Variants in FLT1 observed in about 807,000 individuals in gnomAD.
FLT1 encodes the protein fms related receptor tyrosine kinase 1, also known as vascular endothelial growth factor receptor 1.
In FLT1, 49 loss-of-function variants were observed where a neutral mutation model predicts 156.3. That is an observed-to-expected ratio of 0.31 (90% CI 0.25 to 0.40). The LOEUF is 0.40. Ranked by LOEUF, FLT1 falls within the 10% of genes least tolerant of loss-of-function variation. The probability of loss-of-function intolerance (pLI) is 1.00; values close to 1 mark genes in which losing one functional copy is unlikely to be tolerated. For missense variants in FLT1, 1,322 were observed against 1,637.2 expected (o/e 0.81, Z 3.32); for synonymous variants, 594 against 583.8 (o/e 1.02, Z -0.25).
chr13:28,471,856 C>T (rs1384029329), intron 1 of FLT1, among the ~76,000 whole-genome samples: 1 of 152,070 alleles, frequency 6.6e-6, no homozygotes, highest in African/African-American at 2.4e-5. Context: ...TCATAAGAGG[C>T]ATACAGATCT....
rs756456798 is a variant in FLT1 at position 28,333,998 on chromosome 13, T to C, written c.2593+27A>G. On this transcript the variant is annotated intron_variant, in intron 18 of 29. Transcript: ENST00000282397. The stretch of plus-strand genomic sequence containing the variant: ...GAAATGCAAAATGGTGATGGGTCAG[T>C]TGAAAGCCAAACTACAGCATACATA... The C allele has an allele frequency of 4.9e-6, 7 of 1,440,000 alleles. No homozygotes were observed. In the Admixed American group the frequency reaches 5.0e-5, roughly 10 times the overall value. The allele number at this position is 1,440,000 out of a possible 1,614,324, so 89.2% of individuals were successfully genotyped here.
At chr13:28,411,730 G>A (rs552710578) in intron 10 of FLT1, among the ~76,000 whole-genome samples, 2 of 151,994 alleles carry the variant, frequency 1.3e-5, no homozygotes, top group East Asian at 1.9e-4. Flanking sequence ...AGGAGTGTGG[G>A]TGAGTGGTGA....
chr13:28,314,030 C>T (rs1281637894), intron 25 of FLT1, among the ~76,000 whole-genome samples: 1 of 152,042 alleles, frequency 6.6e-6, no homozygotes, highest in East Asian at 1.9e-4. Flanking sequence ...GACTTTATCT[C>T]CACAAAAAAA....
chr13:28,429,760 A>C (rs1877561945), intron 8 of FLT1, among the ~76,000 whole-genome samples: 1 of 152,086 alleles, frequency 6.6e-6, no homozygotes, highest in Admixed American at 6.5e-5. Flanking sequence ...CATTCAAAGA[A>C]TGTTGACATC....
rs201906217 is a variant in FLT1, at chr13:28,370,597, G to A, written c.2117-12912C>T. Among the ~76,000 whole-genome samples the A allele has an allele frequency of 3.5e-4, 54 of 152,302 alleles. No individual in the cohort carries two copies. The South Asian group carries it at 6.8e-3, about 19-fold the overall frequency. On this transcript the variant is annotated intron_variant, in intron 14 of 29. Transcript: ENST00000282397. ...ATTTAAAATGAAAGCATCTTTGTGC[G>A]CTTTCACTGTGAACTTTGCTCTTGT...
intron 25 of FLT1, among the ~76,000 whole-genome samples, chr13:28,314,072 C>T (rs1871110292): frequency 6.6e-6 from 1 of 152,112 alleles, no homozygotes; most frequent in African/African-American, 2.4e-5. Context: ...GTGATGCATG[C>T]CTGTAGTCCC....
intron 15 of FLT1, among the ~76,000 whole-genome samples, chr13:28,353,530 G>A (rs539176199): frequency 6.8e-6 from 1 of 147,004 alleles, no homozygotes; most frequent in Admixed American, 6.9e-5. Flanking sequence ...CCAAGATCAT[G>A]CCACTGCACT....
intron 8 of FLT1, among the ~76,000 whole-genome samples, chr13:28,429,307 G>A (rs9554330): frequency 0.2 from 30,443 of 151,972 alleles, 3,502 homozygotes; most frequent in Non-Finnish European, 0.26. Context: ...CTAAAATGGC[G>A]CCACATCCCT....
intron 10 of FLT1, among the ~76,000 whole-genome samples, chr13:28,412,696 C>T (rs1876372461): frequency 6.7e-6 from 1 of 148,236 alleles, no homozygotes; most frequent in South Asian, 2.1e-4. Context: ...GCTGGGGTTA[C>T]AGGAGTGAGG....
At chr13:28,356,241 T>C (rs1008092990) in intron 15 of FLT1, among the ~76,000 whole-genome samples, 3 of 152,168 alleles carry the variant, frequency 2.0e-5, no homozygotes, top group Non-Finnish European at 2.9e-5. Context: ...ATGGGGGAAA[T>C]GACGTTTGCT....
chr13:28,357,840 G>T lies in FLT1; in HGVS notation c.2117-155C>A, dbSNP rs1593705917. Among the ~76,000 whole-genome samples, 7 of 149,162 alleles carry T rather than the reference G, an allele frequency of 4.7e-5. 1 individual carries two copies. In the South Asian group the frequency reaches 1.5e-3, roughly 32 times the overall value. On this transcript the variant is annotated intron_variant, in intron 14 of 29. Transcript: ENST00000282397. Reference sequence around the variant, plus strand: ...CAGGGTTGCTTATTTGTTTTCTCTGGGTCCAGGCTTTCTTTTTCTTTTCTT... The same window carrying T: ...CAGGGTTGCTTATTTGTTTTCTCTGTGTCCAGGCTTTCTTTTTCTTTTCTT...
intron 1 of FLT1, among the ~76,000 whole-genome samples, chr13:28,486,759 T>A (rs750877587): frequency 5.3e-5 from 8 of 152,268 alleles, no homozygotes; most frequent in African/African-American, 7.2e-5. Context: ...CACACTCTAC[T>A]AGCACATACT....
At position 28,412,769 on chromosome 13, in the gene FLT1, C is replaced by T. The variant is rs187403040; in HGVS notation, c.1437-6875G>A. On this transcript the variant is annotated intron_variant, in intron 10 of 29. Transcript: ENST00000282397. The stretch of plus-strand genomic sequence containing the variant: ...TTTTTTTTTTTGAGACGGAGTCTCT[C>T]TCTGTCGCCCAGGCTGGAGTGCAGT... Among the ~76,000 whole-genome samples the T allele has an allele frequency of 8.6e-3, 1,125 of 130,264 alleles. 40 individuals carry two copies. Among genetic ancestry groups the T allele is most frequent in the Admixed American group, 0.069 (793 of 11,554 alleles). 85.5% of individuals were successfully genotyped at this position (130,264 alleles called of 152,430 possible).
intron 3 of FLT1, among the ~76,000 whole-genome samples, chr13:28,466,083 C>G (rs937951703): frequency 1.3e-5 from 2 of 151,766 alleles, no homozygotes; most frequent in Non-Finnish European, 2.9e-5. Flanking sequence ...GCGTTTTTTT[C>G]TTTAATCCCC....
At chr13:28,464,047 C>A (rs1593822628) in intron 3 of FLT1, among the ~76,000 whole-genome samples, 1 of 152,204 alleles carries the variant, frequency 6.6e-6, no homozygotes, top group South Asian at 2.1e-4. Flanking sequence ...TCAGAAGGCT[C>A]TTCTATGGTT....
At chr13:28,462,541 A>G (rs1326002900) in intron 3 of FLT1, among the ~76,000 whole-genome samples, 1 of 152,226 alleles carries the variant, frequency 6.6e-6, no homozygotes, top group African/African-American at 2.4e-5. Flanking sequence ...ATTCATTTTT[A>G]ACAAAGCAAT....
At chr13:28,428,487 A>AC (rs992141854) in intron 8 of FLT1, among the ~76,000 whole-genome samples, 11 of 150,884 alleles carry the variant, frequency 7.3e-5, no homozygotes, top group South Asian at 6.3e-4. Context: ...AAAAAAAAAA[A>AC]CAGAAAGCAT....
intron 14 of FLT1, among the ~76,000 whole-genome samples, chr13:28,365,300 A>G (rs80265916): frequency 0.015 from 2,272 of 151,312 alleles, 59 homozygotes; most frequent in African/African-American, 0.052. Flanking sequence ...AGGTCACTGT[A>G]TTTGAATTTT....
chr13:28,482,511 A>G (rs1192844259), intron 1 of FLT1, among the ~76,000 whole-genome samples: 1 of 151,948 alleles, frequency 6.6e-6, no homozygotes, highest in East Asian at 1.9e-4. Context: ...GAAAAAGAAA[A>G]AAAAAGAAAA....
Sources: gnomAD v4.1 joint callset for allele counts (sites outside exome capture counted in the v4.1 genomes callset) on GRCh38, gnomAD v4.1.1 for gene constraint, MANE v1.5 for transcripts, NCBI Gene and HGNC (gene_info 2026-07-23, HGNC 2026-07-21) for gene names.